Variants in GRIK4 observed in about 807,000 individuals in gnomAD.
GRIK4 encodes the protein glutamate ionotropic receptor kainate type subunit 4, also known as glutamate receptor ionotropic, kainate 4.
GRIK4 carries 40 observed loss-of-function variants against 104.9 expected under a neutral mutation model. The ratio of observed to expected loss-of-function variants is 0.38; its 90% CI spans 0.30 to 0.50. GRIK4 has a LOEUF of 0.50. Ranked by LOEUF, GRIK4 falls within the 20% of genes least tolerant of loss-of-function variation. GRIK4 has a pLI of 0.93. For missense variants in GRIK4, 1,047 were observed against 1,308.1 expected (o/e 0.80, Z 3.08); for synonymous variants, 485 against 524.9 (o/e 0.92, Z 1.04).
At chr11:120,734,668 A>G (rs565122684) in intron 3 of GRIK4, among the ~76,000 whole-genome samples, 14 of 152,280 alleles carry the variant, frequency 9.2e-5, no homozygotes, top group African/African-American at 2.4e-4. Context: ...TTTAAGGCCA[A>G]TAACTCAGGT....
intron 8 of GRIK4, among the ~76,000 whole-genome samples, chr11:120,844,480 G>T (rs1953802424): frequency 6.6e-6 from 1 of 152,164 alleles, no homozygotes. Context: ...CTACATAGTA[G>T]GCACTCAATA....
At chr11:120,630,292 T>C (rs1949318584) in intron 1 of GRIK4, among the ~76,000 whole-genome samples, 1 of 152,248 alleles carries the variant, frequency 6.6e-6, no homozygotes, top group African/African-American at 2.4e-5. Context: ...AGGCCTCCCG[T>C]GACCTGCTCT....
intron 13 of GRIK4, among the ~76,000 whole-genome samples, chr11:120,923,367 G>A (rs1207937320): frequency 3.3e-5 from 5 of 150,828 alleles, no homozygotes; most frequent in Non-Finnish European, 7.4e-5. Context: ...AACACTTACT[G>A]AGCACTTGCC....
chr11:120,952,785 C>T lies in GRIK4; in HGVS notation c.1591-70C>T, dbSNP rs145989189. ...CCCACACTCACTACCTCCTCTACCC[C>T]GCCCTGCCTGCCCCAAGGTCATGTT... On this transcript the variant is annotated intron_variant, in intron 14 of 20. Transcript: ENST00000527524. This position sits in a 1 kb window ranked among gnomAD's most constrained non-coding sequence, Gnocchi z 5.2. 4.1e-4 allele frequency: 428 copies of T among 1,049,298 alleles called. 1 individual carries two copies. The African/African-American group carries it at 5.3e-3, about 13-fold the overall frequency. The allele number at this position is 1,049,298 out of a possible 1,614,324, so 65.0% of individuals were successfully genotyped here.
At chr11:120,890,673 A>G (rs1955262880) in intron 11 of GRIK4, among the ~76,000 whole-genome samples, 2 of 152,240 alleles carry the variant, frequency 1.3e-5, no homozygotes, top group African/African-American at 4.8e-5. Context: ...AAGGTGTATG[A>G]AAGTGCCTAC....
At chr11:120,962,404 C>G (rs1342282493) in intron 17 of GRIK4, 52 bp from the exon 18 acceptor site, 37 of 1,304,358 alleles carry the variant, frequency 2.8e-5, no homozygotes, top group Non-Finnish European at 4.0e-5. Context: ...CTTTTTAAGC[C>G]AACGTTTCCT....
intron 8 of GRIK4, among the ~76,000 whole-genome samples, chr11:120,860,410 G>A (rs760362944): frequency 1.3e-5 from 2 of 152,104 alleles, no homozygotes; most frequent in African/African-American, 4.8e-5. Context: ...AACTGGCCTC[G>A]GTGCACTCAC....
At chr11:120,655,166 G>GT (rs1555034470) in intron 2 of GRIK4, among the ~76,000 whole-genome samples, 1 of 152,058 alleles carries the variant, frequency 6.6e-6, no homozygotes, top group Non-Finnish European at 1.5e-5. Context: ...TAGGTAGGAT[G>GT]TGTGTCCCAG....
At chr11:120,717,667 T>C (rs1164323499) in intron 3 of GRIK4, among the ~76,000 whole-genome samples, 1 of 152,194 alleles carries the variant, frequency 6.6e-6, no homozygotes, top group African/African-American at 2.4e-5. Flanking sequence ...ATCCTCCTGC[T>C]TCCTGCATCA....
In GRIK4 at chr11:120,671,646, G is replaced by C. The variant is rs193072562; in HGVS notation, c.82+11246G>C. Among the ~76,000 whole-genome samples, 258 of 152,282 alleles carry C rather than the reference G, an allele frequency of 1.7e-3. 1 individual carries two copies. In the Middle Eastern group the frequency reaches 0.021, roughly 12 times the overall value. Reference sequence around the variant, plus strand: ...GATATTAGCCCTTGTCAGATGGATAGATTGCAAAAATTTTCTCCCATTCTG... The same window carrying C: ...GATATTAGCCCTTGTCAGATGGATACATTGCAAAAATTTTCTCCCATTCTG... On this transcript the variant is annotated intron_variant, in intron 3 of 20. Coordinates refer to ENST00000527524, the MANE Select transcript of GRIK4 (RefSeq NM_014619.5).
intron 1 of GRIK4, among the ~76,000 whole-genome samples, chr11:120,550,370 T>TGAGTTGGGGGGGGGGGG (rs1565546395): frequency 7.9e-5 from 3 of 38,106 alleles, no homozygotes; most frequent in African/African-American, 2.9e-4. Flanking sequence ...GGGGGTGGGG[T>TGAGTTGGGGGGGGGGGG]GGGGTTCTCC....
At chr11:120,538,714 T>A (rs988102127) in intron 1 of GRIK4, among the ~76,000 whole-genome samples, 1 of 152,156 alleles carries the variant, frequency 6.6e-6, no homozygotes, top group African/African-American at 2.4e-5. Context: ...ACTACCTATC[T>A]GTCCTCAGAG....
chr11:120,898,669 C>A, intron 12 of GRIK4, 30 bp downstream of exon 12: 1 of 1,299,314 alleles, frequency 7.7e-7, no homozygotes, highest in Non-Finnish European at 1.1e-6. Flanking sequence ...CTCCCAGCTG[C>A]AGCATCCTGG....
At chr11:120,619,455 G>T (rs1949157720) in intron 1 of GRIK4, among the ~76,000 whole-genome samples, 1 of 152,178 alleles carries the variant, frequency 6.6e-6, no homozygotes, top group Non-Finnish European at 1.5e-5. Flanking sequence ...TGTTTGGAAG[G>T]CATGATTATA....
At chr11:120,673,022 T>G (rs1330396061) in intron 3 of GRIK4, among the ~76,000 whole-genome samples, 1 of 152,228 alleles carries the variant, frequency 6.6e-6, no homozygotes, top group African/African-American at 2.4e-5. Flanking sequence ...AAGGGTATGC[T>G]CCCAGCTTTT....
intron 3 of GRIK4, among the ~76,000 whole-genome samples, chr11:120,780,383 A>C (rs1952129941): frequency 6.6e-6 from 1 of 152,178 alleles, no homozygotes; most frequent in Non-Finnish European, 1.5e-5. Flanking sequence ...GAAATCATAC[A>C]GTCTTTGTCT....
chr11:120,860,762 G>C (rs1286002828), intron 8 of GRIK4, among the ~76,000 whole-genome samples: 1 of 152,076 alleles, frequency 6.6e-6, no homozygotes, highest in Non-Finnish European at 1.5e-5. Context: ...GTAAATGAAG[G>C]CACCACCCTA....
At chr11:120,701,262 G>A (rs933155431) in intron 3 of GRIK4, among the ~76,000 whole-genome samples, 3 of 152,032 alleles carry the variant, frequency 2.0e-5, no homozygotes, top group Admixed American at 1.3e-4. Flanking sequence ...CCTTTGACCT[G>A]TATCTCTCCA....
intron 11 of GRIK4, among the ~76,000 whole-genome samples, chr11:120,876,543 A>G (rs1384527521): frequency 6.6e-6 from 1 of 150,604 alleles, no homozygotes; most frequent in African/African-American, 2.4e-5. Context: ...TTAAGCTTTT[A>G]CCATGAGCCT....
Sources: gnomAD v4.1 joint callset for allele counts (sites outside exome capture counted in the v4.1 genomes callset) on GRCh38, gnomAD v4.1.1 for gene constraint, Gnocchi (gnomAD v3.1) non-coding constraint, MANE v1.5 for transcripts, NCBI Gene and HGNC (gene_info 2026-07-23, HGNC 2026-07-21) for gene names.